Variants in AGMO observed in about 807,000 individuals in gnomAD.
AGMO encodes the protein alkylglycerol monooxygenase.
AGMO carries 75 observed loss-of-function variants against 60.2 expected under a neutral mutation model. The observed-to-expected ratio is 1.25, with a 90% confidence interval of 1.03 to 1.51. AGMO has a LOEUF of 1.51. Ranked by LOEUF, AGMO falls within the 40% of genes most tolerant of loss-of-function variation. AGMO has a pLI of 0.00. For missense variants in AGMO, 763 were observed against 525.5 expected, an observed-to-expected ratio of 1.45 and a Z score of -4.42; for synonymous variants, 261 against 177.1, an observed-to-expected ratio of 1.47 and a Z score of -3.76.
At chr7:15,230,133 A>C (rs1164076900) in intron 12 of AGMO, among the ~76,000 whole-genome samples, 3 of 152,128 alleles carry the variant, frequency 2.0e-5, no homozygotes, top group Admixed American at 1.3e-4. Flanking sequence ...ACTTACAACA[A>C]AGGAAAAGAA....
downstream of AGMO, among the ~76,000 whole-genome samples, chr7:15,198,625 G>A (rs373703647): frequency 2.0e-5 from 3 of 152,112 alleles, no homozygotes; most frequent in East Asian, 5.8e-4. Flanking sequence ...CTGAAAATTC[G>A]GAGACTGGGT....
chr7:15,461,034 A>C (rs556983700), intron 3 of AGMO, among the ~76,000 whole-genome samples: 1 of 152,228 alleles, frequency 6.6e-6, no homozygotes, highest in East Asian at 1.9e-4. Context: ...TTGTTGAAGA[A>C]GACAGATGTA....
At chr7:15,519,868 GAGAA>G (rs1242306720) in intron 3 of AGMO, among the ~76,000 whole-genome samples, 2 of 151,742 alleles carry the variant, frequency 1.3e-5, no homozygotes, top group Non-Finnish European at 2.9e-5. Context: ...TGGCAAATTG[GAGAA>G]AGAGTCAAGG....
the AGMO span, among the ~76,000 whole-genome samples, chr7:15,134,948 A>C: frequency 6.6e-6 from 1 of 152,140 alleles, no homozygotes; most frequent in Non-Finnish European, 1.5e-5. Context: ...TTTTCAGTGA[A>C]TATATCACTC....
At chr7:15,405,366 A>G (rs929204131) in intron 5 of AGMO, among the ~76,000 whole-genome samples, 5 of 151,946 alleles carry the variant, frequency 3.3e-5, no homozygotes, top group Non-Finnish European at 5.9e-5. Flanking sequence ...GATGTTTACT[A>G]TCAGCTTCTA....
At chr7:15,202,630 A>C (rs188198981) in intron 12 of AGMO, among the ~76,000 whole-genome samples, 1 of 152,072 alleles carries the variant, frequency 6.6e-6, no homozygotes, top group Non-Finnish European at 1.5e-5. Flanking sequence ...CTTTTAGCCT[A>C]TAACACCCAC....
intron 9 of AGMO, among the ~76,000 whole-genome samples, 155 bp from the exon 10 acceptor site, chr7:15,385,717 CTT>C (rs1468284911): frequency 1.3e-5 from 2 of 152,046 alleles, no homozygotes; most frequent in Non-Finnish European, 2.9e-5. Context: ...AGTTAGGAGA[CTT>C]TCTCATTTTG....
intron 12 of AGMO, among the ~76,000 whole-genome samples, chr7:15,341,387 T>C (rs1348408875): frequency 6.6e-6 from 1 of 152,190 alleles, no homozygotes; most frequent in African/African-American, 2.4e-5. Flanking sequence ...GTCCTTTTGC[T>C]AAAGCATTAC....
At chr7:15,121,793 G>A in the AGMO span, among the ~76,000 whole-genome samples, 1 of 152,024 alleles carries the variant, frequency 6.6e-6, no homozygotes, top group African/African-American at 2.4e-5. Context: ...CAACAAACCT[G>A]ACAAAAACAA....
intron 3 of AGMO, among the ~76,000 whole-genome samples, chr7:15,526,820 A>C (rs1422991917): frequency 6.6e-6 from 1 of 152,152 alleles, no homozygotes; most frequent in Non-Finnish European, 1.5e-5. Context: ...GCATGTGCTC[A>C]CTTTGTGTCT....
the AGMO span, among the ~76,000 whole-genome samples, chr7:15,170,555 A>AT: frequency 1.3e-5 from 2 of 151,974 alleles, no homozygotes; most frequent in African/African-American, 2.4e-5. Context: ...ATTTATTTTT[A>AT]TTTTTTTATT....
At chr7:15,294,104 A>G (rs1784350167) in intron 12 of AGMO, among the ~76,000 whole-genome samples, 1 of 152,132 alleles carries the variant, frequency 6.6e-6, no homozygotes, top group Admixed American at 6.5e-5. Context: ...AGGTTCCAGA[A>G]AATAAAGCAG....
intron 12 of AGMO, among the ~76,000 whole-genome samples, chr7:15,320,558 A>G (rs560639307): frequency 6.8e-4 from 104 of 152,268 alleles, no homozygotes; most frequent in African/African-American, 2.4e-3. Context: ...TGGCATCTTC[A>G]TAATTGGGGA....
intron 12 of AGMO, among the ~76,000 whole-genome samples, chr7:15,327,168 TCG>T (rs1328402072): frequency 6.6e-6 from 1 of 152,186 alleles, no homozygotes. Context: ...ATAACCTGGC[TCG>T]GTTTTCAACT....
At chr7:15,251,808 C>T (rs1237579359) in intron 12 of AGMO, among the ~76,000 whole-genome samples, 3 of 152,166 alleles carry the variant, frequency 2.0e-5, no homozygotes, top group Non-Finnish European at 4.4e-5. Flanking sequence ...CACAGCTTTG[C>T]CTTACAACTT....
At chr7:15,219,303 G>T (rs1303539953) in intron 12 of AGMO, among the ~76,000 whole-genome samples, 2 of 152,134 alleles carry the variant, frequency 1.3e-5, no homozygotes, top group East Asian at 3.9e-4. Context: ...GACAATCAAG[G>T]AAAGTGGCAG....
At chr7:15,169,194 T>C in the AGMO span, among the ~76,000 whole-genome samples, 1 of 152,130 alleles carries the variant, frequency 6.6e-6, no homozygotes, top group Non-Finnish European at 1.5e-5. Flanking sequence ...AAACTGTTCC[T>C]ATAAAGGGCT....
chr7:15,534,536 A>G (rs568406705), intron 3 of AGMO, among the ~76,000 whole-genome samples: 9 of 152,088 alleles, frequency 5.9e-5, no homozygotes, highest in Non-Finnish European at 1.2e-4. Context: ...TTCAGTATAA[A>G]TCTAAAACAC....
chr7:15,385,045 G>A (rs942758367), intron 10 of AGMO, among the ~76,000 whole-genome samples: 38 of 152,148 alleles, frequency 2.5e-4, no homozygotes, highest in African/African-American at 9.2e-4. Flanking sequence ...ACTCTACACT[G>A]AAAACCCTTT....
Sources: allele counts gnomAD v4.1 joint callset (sites outside exome capture counted in the v4.1 genomes callset), GRCh38; gene constraint gnomAD v4.1.1; transcripts MANE v1.5; gene names NCBI Gene and HGNC (gene_info 2026-07-23, HGNC 2026-07-21).